CTNNA2: variants seen among roughly 807,000 people sequenced by gnomAD.
The protein encoded by CTNNA2 is catenin alpha-2.
CTNNA2 carries 42 observed loss-of-function variants against 101.0 expected under a neutral mutation model. The observed-to-expected ratio is 0.42, with a 90% CI of 0.32 to 0.54. The LOEUF (loss-of-function observed/expected upper bound fraction) is 0.54, where lower values mean the gene tolerates loss of function less well. CTNNA2 is among the 20% of genes least tolerant of loss of function. The pLI is 0.14. For missense variants in CTNNA2, 871 were observed against 1,223.1 expected, an observed-to-expected ratio of 0.71 and a Z score of 4.29; for synonymous variants, 450 against 456.4, an observed-to-expected ratio of 0.99 and a Z score of 0.18.
intron 1 of CTNNA2, among the ~76,000 whole-genome samples, chr2:79,617,204 A>G (rs1274172074): frequency 3.3e-5 from 5 of 151,968 alleles, no homozygotes; most frequent in African/African-American, 1.2e-4. Context: ...GTTCAGCCCT[A>G]ATATTTTCTT....
At chr2:80,596,279 GTTTTTTTT>G (rs60132060) in intron 15 of CTNNA2, among the ~76,000 whole-genome samples, 2 of 35,286 alleles carry the variant, frequency 5.7e-5, no homozygotes, top group African/African-American at 2.1e-4. Context: ...AGACAAGGTT[GTTTTTTTT>G]TTTTTTTTTT....
chr2:80,605,999 G>A (rs1212304581), intron 16 of CTNNA2, among the ~76,000 whole-genome samples: 1 of 151,778 alleles, frequency 6.6e-6, no homozygotes, highest in Non-Finnish European at 1.5e-5. Flanking sequence ...GAAAGTTCAT[G>A]TAGAGGAGGG....
At chr2:79,209,665 G>A (rs1674144234) in intron 2 of CTNNA2, among the ~76,000 whole-genome samples, 1 of 117,914 alleles carries the variant, frequency 8.5e-6, no homozygotes, top group African/African-American at 3.7e-5. Flanking sequence ...TTAACCAGAC[G>A]CACCAGAAAA....
At chr2:80,163,893 A>G (rs1704495075) in intron 7 of CTNNA2, among the ~76,000 whole-genome samples, 1 of 151,860 alleles carries the variant, frequency 6.6e-6, no homozygotes, top group South Asian at 2.1e-4. Flanking sequence ...TTTGCTCTGA[A>G]TTCTACTTAA....
At chr2:80,106,236 G>C (rs1474729714) in intron 7 of CTNNA2, among the ~76,000 whole-genome samples, 1 of 152,142 alleles carries the variant, frequency 6.6e-6, no homozygotes, top group Non-Finnish European at 1.5e-5. Context: ...TGGGTTTGGA[G>C]GTTAGTATGG....
chr2:79,882,598 A>G (rs959944375), intron 6 of CTNNA2, among the ~76,000 whole-genome samples: 7 of 152,316 alleles, frequency 4.6e-5, no homozygotes, highest in Admixed American at 3.3e-4. Context: ...AGCTATAGAA[A>G]TGGATGTCAC....
chr2:79,210,879 T>A (rs1379601006), intron 2 of CTNNA2, among the ~76,000 whole-genome samples: 3 of 152,012 alleles, frequency 2.0e-5, no homozygotes, highest in Admixed American at 2.0e-4. Context: ...TTTTCTTCCC[T>A]CCAGTACAAA....
intron 7 of CTNNA2, among the ~76,000 whole-genome samples, chr2:80,148,856 G>A (rs900148336): frequency 4.6e-5 from 7 of 152,050 alleles, no homozygotes; most frequent in African/African-American, 1.7e-4. Flanking sequence ...ATCAACTTCA[G>A]GCTGCAGATC....
intron 7 of CTNNA2, among the ~76,000 whole-genome samples, chr2:80,149,047 A>T: frequency 7.1e-6 from 1 of 141,244 alleles, no homozygotes; most frequent in Admixed American, 7.1e-5. Context: ...TTTTTTTTTA[A>T]GACAAGTTAT....
chr2:80,149,811 C>T (rs939545609), intron 7 of CTNNA2, among the ~76,000 whole-genome samples: 1 of 150,074 alleles, frequency 6.7e-6, no homozygotes, highest in Non-Finnish European at 1.5e-5. Context: ...CACACACACA[C>T]ACACAGTGTA....
intron 11 of CTNNA2, among the ~76,000 whole-genome samples, chr2:80,555,086 G>A (rs374736821): frequency 2.6e-5 from 4 of 152,264 alleles, no homozygotes; most frequent in East Asian, 1.9e-4. Flanking sequence ...GAAACTGATC[G>A]TCTTCACCTA....
At chr2:80,295,545 G>A (rs1471330634) in intron 7 of CTNNA2, among the ~76,000 whole-genome samples, 1 of 152,106 alleles carries the variant, frequency 6.6e-6, no homozygotes, top group Non-Finnish European at 1.5e-5. Context: ...TTAATTTTCT[G>A]GTTAAGTGAC....
intron 3 of CTNNA2, among the ~76,000 whole-genome samples, chr2:79,345,241 C>T (rs908774947): frequency 2.6e-5 from 4 of 152,078 alleles, no homozygotes; most frequent in Admixed American, 1.3e-4. Flanking sequence ...GTTGTTTCTA[C>T]ATACACTGAC....
chr2:80,239,912 C>CA (rs56873382), intron 7 of CTNNA2, among the ~76,000 whole-genome samples: 3,367 of 139,554 alleles, frequency 0.024, 112 homozygotes, highest in African/African-American at 0.073. Context: ...GACTCCATCT[C>CA]AAAAAAAAAA....
chr2:79,400,812 G>A (rs1584665), intron 4 of CTNNA2, among the ~76,000 whole-genome samples: 118,496 of 150,496 alleles, frequency 0.79, 46,589 homozygotes, highest in East Asian at 0.93. Context: ...AATGAACACC[G>A]TGTAGAATAA....
At chr2:80,328,415 G>A (rs1269074676) in intron 7 of CTNNA2, 1 of 470,524 alleles carries the variant, frequency 2.1e-6, no homozygotes, top group East Asian at 6.9e-5. Flanking sequence ...AGGCTGAGGG[G>A]CCAGACTGAG....
intron 15 of CTNNA2, among the ~76,000 whole-genome samples, chr2:80,597,679 G>A (rs556580510): frequency 6.6e-6 from 1 of 152,212 alleles, no homozygotes; most frequent in South Asian, 2.1e-4. Flanking sequence ...ACAGACACTT[G>A]TCAAAAGAAG....
At chr2:80,241,081 C>T (rs907180138) in intron 7 of CTNNA2, among the ~76,000 whole-genome samples, 3 of 152,082 alleles carry the variant, frequency 2.0e-5, no homozygotes, top group Admixed American at 2.0e-4. Flanking sequence ...AGTTCTAATT[C>T]GGTCAGGACA....
At chr2:79,531,704 C>CA (rs1303502075) in intron 1 of CTNNA2, among the ~76,000 whole-genome samples, 1 of 148,424 alleles carries the variant, frequency 6.7e-6, no homozygotes, top group Admixed American at 6.8e-5. Context: ...TTTTTTGAGA[C>CA]AGAGTCTCAC....
Sources: gnomAD v4.1 joint callset for allele counts (sites outside exome capture counted in the v4.1 genomes callset) on GRCh38, gnomAD v4.1.1 for gene constraint, MANE v1.5 for transcripts, NCBI Gene and HGNC (gene_info 2026-07-23, HGNC 2026-07-21) for gene names.